Variants in KLHL32 observed in about 807,000 individuals in gnomAD.
KLHL32 encodes kelch-like protein 32.
Under a neutral mutation model 64.8 loss-of-function variants are expected in KLHL32, and 35 were observed. The observed-to-expected ratio is 0.54, with a 90% CI of 0.41 to 0.72. KLHL32 has a LOEUF of 0.72. Ranked by LOEUF, KLHL32 falls within the 30% of genes least tolerant of loss-of-function variation. KLHL32 has a pLI of 0.00. For synonymous variants in KLHL32, 259 were observed against 281.0 expected, an observed-to-expected ratio of 0.92 and a Z score of 0.78; for missense variants, 589 against 768.5, an observed-to-expected ratio of 0.77 and a Z score of 2.76.
intron 7 of KLHL32, among the ~76,000 whole-genome samples, chr6:97,117,701 TA>T (rs1436461546): frequency 2.6e-5 from 4 of 152,172 alleles, no homozygotes; most frequent in African/African-American, 9.7e-5. Context: ...CAAGGTAAAA[TA>T]AGCTCTTAAA....
chr6:97,094,754 C>T (rs1290519200), intron 6 of KLHL32, among the ~76,000 whole-genome samples: 1 of 152,150 alleles, frequency 6.6e-6, no homozygotes, highest in Admixed American at 6.5e-5. Context: ...GGAAGAGTTA[C>T]AAGTCAGTAT....
chr6:96,991,777 T>C (rs181324232), intron 3 of KLHL32, among the ~76,000 whole-genome samples: 2 of 151,856 alleles, frequency 1.3e-5, no homozygotes, highest in Non-Finnish European at 2.9e-5. Flanking sequence ...TCCAAGAAAG[T>C]GCAGAGCTGC....
rs546179023 is a variant in KLHL32, at chr6:97,061,785, T to A, written c.313-2843T>A. ...TCCTTCGAGGCAGGTGACAGATAAATTCACCACACTGTAAATCATGAGGAG... is the reference window on the plus strand; with the variant it reads ...TCCTTCGAGGCAGGTGACAGATAAAATCACCACACTGTAAATCATGAGGAG... On this transcript the variant is annotated intron_variant, in intron 4 of 10. Transcript: ENST00000369261. Among the ~76,000 whole-genome samples, 3 of 152,342 alleles carry A rather than the reference T, an allele frequency of 2.0e-5. No individual in the cohort carries two copies. The South Asian group carries it at 6.2e-4, about 32-fold the overall frequency.
the KLHL32 span, among the ~76,000 whole-genome samples, chr6:96,899,759 CAT>C: frequency 2.0e-5 from 3 of 152,164 alleles, no homozygotes; most frequent in African/African-American, 7.2e-5. Context: ...CTTGTCAAAA[CAT>C]ATAAATTAAC....
chr6:97,059,922 A>G (rs2128147058), intron 4 of KLHL32, among the ~76,000 whole-genome samples: 1 of 152,336 alleles, frequency 6.6e-6, no homozygotes, highest in East Asian at 1.9e-4. Flanking sequence ...TACCAAAGAA[A>G]CAAACTATAA....
intron 1 of KLHL32, among the ~76,000 whole-genome samples, chr6:96,937,923 T>C (rs944532286): frequency 5.3e-5 from 8 of 152,194 alleles, no homozygotes; most frequent in Admixed American, 6.5e-5. Flanking sequence ...AAAAAGCATT[T>C]CTCCACCTGC....
At chr6:96,951,809 T>A (rs918394251) in intron 1 of KLHL32, among the ~76,000 whole-genome samples, 1 of 152,164 alleles carries the variant, frequency 6.6e-6, no homozygotes. Context: ...ACAAGGCTTG[T>A]TATGTGGAAG....
intron 4 of KLHL32, among the ~76,000 whole-genome samples, chr6:97,049,331 G>A (rs762839769): frequency 6.6e-6 from 1 of 152,134 alleles, no homozygotes; most frequent in African/African-American, 2.4e-5. Context: ...TGCCACAGTG[G>A]TCTGATAACC....
intron 3 of KLHL32, among the ~76,000 whole-genome samples, chr6:97,019,379 A>G (rs1303399000): frequency 6.6e-6 from 1 of 152,232 alleles, no homozygotes; most frequent in South Asian, 2.1e-4. Context: ...TGCAAGCCCA[A>G]CGACAGCCTC....
intron 1 of KLHL32, among the ~76,000 whole-genome samples, chr6:96,938,661 T>C (rs1449629552): frequency 6.6e-6 from 1 of 152,104 alleles, no homozygotes; most frequent in Non-Finnish European, 1.5e-5. Context: ...AGGGGATACA[T>C]AGATGGAATG....
At chr6:96,970,410 G>A (rs1774984369) in intron 2 of KLHL32, among the ~76,000 whole-genome samples, 2 of 152,178 alleles carry the variant, frequency 1.3e-5, no homozygotes, top group Admixed American at 1.3e-4. Flanking sequence ...TCCTGCCACA[G>A]GATCGTAGCA....
At chr6:96,948,496 T>C (rs1159475536) in intron 1 of KLHL32, among the ~76,000 whole-genome samples, 1 of 152,116 alleles carries the variant, frequency 6.6e-6, no homozygotes, top group African/African-American at 2.4e-5. Flanking sequence ...GCAAGTCTCT[T>C]TTTTTGTGTG....
At chr6:96,926,784 A>G (rs753123747) in intron 1 of KLHL32, among the ~76,000 whole-genome samples, 5 of 152,152 alleles carry the variant, frequency 3.3e-5, no homozygotes, top group African/African-American at 4.8e-5. Context: ...GCTCTAAAAC[A>G]TGACAGTTTT....
chr6:97,124,403 A>C (rs1798675769), intron 7 of KLHL32, among the ~76,000 whole-genome samples: 1 of 152,248 alleles, frequency 6.6e-6, no homozygotes. Context: ...CTGAGTGCAG[A>C]TTAAGAAGAA....
chr6:97,051,757 A>G (rs569671940), intron 4 of KLHL32, among the ~76,000 whole-genome samples: 1 of 152,298 alleles, frequency 6.6e-6, no homozygotes, highest in Non-Finnish European at 1.5e-5. Flanking sequence ...AATCATTTAT[A>G]TAGTGGGGAG....
At chr6:97,118,398 C>T (rs149436805) in intron 7 of KLHL32, among the ~76,000 whole-genome samples, 2,195 of 152,080 alleles carry the variant, frequency 0.014, 26 homozygotes, top group Middle Eastern at 0.027. Flanking sequence ...GCGGGCGGAT[C>T]GCCTGAGATT....
chr6:97,064,635 T>A lies in KLHL32; in HGVS notation c.320T>A (p.Leu107Gln). The change falls in exon 5 of 11, where the codon CTG becomes CAG. Residue 107 changes from leucine (L) to glutamine (Q), a missense_variant. This residue lies in a region of KLHL32 where 191 missense variants were observed against 223.3 expected (regional missense o/e 0.86). Transcript: ENST00000369261. ...LEFAYTGQIL[L>Q]EPGVIQDVLA... ...TGTTAACAAACAAAACAGATTTTGC[T>A]GGAGCCAGGTGTGATCCAGGATGTG... 5.0e-6 allele frequency: 8 copies of A among 1,613,644 alleles called. No homozygotes were observed. The highest frequency in any genetic ancestry group is 2.2e-5 in the East Asian group (1 of 44,888).
intron 8 of KLHL32, among the ~76,000 whole-genome samples, chr6:97,128,859 A>G (rs142640445): frequency 1.9e-4 from 29 of 152,382 alleles, no homozygotes; most frequent in Non-Finnish European, 3.8e-4. Context: ...TTTGCAAACC[A>G]GATGGCGTCC....
At position 97,020,394 on chromosome 6, in the gene KLHL32, A is replaced by T. The variant is rs1375194669; in HGVS notation, c.205-21098A>T. Among the ~76,000 whole-genome samples the T allele has an allele frequency of 2.6e-5, 4 of 151,142 alleles. No homozygotes were observed. The East Asian group carries it at 7.7e-4, about 29-fold the overall frequency. On this transcript the variant is annotated intron_variant, in intron 3 of 10. Transcript: ENST00000369261. ...AGAAATACTATAGAAACTCTATGCC[A>T]ATAAACTTCAAAATCTTGGTAACAA...
Sources: gnomAD v4.1 joint callset for allele counts (sites outside exome capture counted in the v4.1 genomes callset) on GRCh38, gnomAD v4.1.1 for gene constraint, gnomAD v4.1.1 regional missense constraint, MANE v1.5 for transcripts, NCBI Gene and HGNC (gene_info 2026-07-23, HGNC 2026-07-21) for gene names.